The following GALNT13 variants were observed in gnomAD, a reference collection of about 807,000 sequenced individuals.
GALNT13 encodes the protein UDP-GalNAc:polypeptide N-acetylgalactosaminyltransferase 13.
Under a neutral mutation model 64.2 loss-of-function variants are expected in GALNT13, and 28 were observed. The ratio of observed to expected loss-of-function variants is 0.44; its 90% CI spans 0.32 to 0.60. The LOEUF is 0.60. Ranked by LOEUF, GALNT13 falls within the 20% of genes least tolerant of loss-of-function variation. The pLI is 0.05. For synonymous variants in GALNT13, 214 were observed against 224.6 expected, an observed-to-expected ratio of 0.95 and a Z score of 0.42; for missense variants, 577 against 669.8, an observed-to-expected ratio of 0.86 and a Z score of 1.53.
the GALNT13 span, among the ~76,000 whole-genome samples, chr2:153,452,794 C>A: frequency 6.6e-6 from 1 of 151,698 alleles, no homozygotes; most frequent in Middle Eastern, 3.4e-3. Context: ...TATATGAAAC[C>A]AAAAAAGACC....
the GALNT13 span, among the ~76,000 whole-genome samples, chr2:153,505,193 A>G: frequency 2.6e-5 from 4 of 152,038 alleles, no homozygotes; most frequent in Non-Finnish European, 5.9e-5. Context: ...GCCTTGAATA[A>G]TATTTTGTAT....
intron 4 of GALNT13, among the ~76,000 whole-genome samples, chr2:154,154,472 A>T (rs1684280892): frequency 6.6e-6 from 1 of 152,182 alleles, no homozygotes; most frequent in African/African-American, 2.4e-5. Flanking sequence ...GAACAAAAAC[A>T]TGATGTGATG....
chr2:153,677,848 G>A, the GALNT13 span, among the ~76,000 whole-genome samples: 9 of 151,960 alleles, frequency 5.9e-5, no homozygotes, highest in Non-Finnish European at 5.9e-5. Flanking sequence ...ATTGAAACTG[G>A]ACCCGTTCCT....
chr2:153,229,523 A>G, the GALNT13 span, among the ~76,000 whole-genome samples: 20,750 of 152,158 alleles, frequency 0.14, 1,708 homozygotes, highest in Non-Finnish European at 0.18. Flanking sequence ...GAGGAAACCA[A>G]TTGGATTTCT....
intron 3 of GALNT13, among the ~76,000 whole-genome samples, chr2:154,118,977 C>T (rs559311256): frequency 6.6e-6 from 1 of 152,230 alleles, no homozygotes; most frequent in Admixed American, 6.5e-5. Context: ...TTGCATTACA[C>T]ACCTTACACA....
At chr2:153,723,793 G>T in the GALNT13 span, among the ~76,000 whole-genome samples, 2 of 150,682 alleles carry the variant, frequency 1.3e-5, no homozygotes, top group Admixed American at 6.6e-5. Flanking sequence ...CACTGCTCAA[G>T]GAAATAAAAG....
At chr2:153,391,573 G>A in the GALNT13 span, among the ~76,000 whole-genome samples, 1 of 152,010 alleles carries the variant, frequency 6.6e-6, no homozygotes, top group Non-Finnish European at 1.5e-5. Flanking sequence ...TTTTGGATTT[G>A]AAACATGAAA....
At chr2:153,827,475 A>G in the GALNT13 span, among the ~76,000 whole-genome samples, 1 of 152,134 alleles carries the variant, frequency 6.6e-6, no homozygotes, top group Admixed American at 6.5e-5. Context: ...TACAAAAAAA[A>G]TTAGCTGGTC....
intron 3 of GALNT13, among the ~76,000 whole-genome samples, chr2:154,006,672 G>C (rs1196239289): frequency 6.6e-6 from 1 of 152,148 alleles, no homozygotes; most frequent in Non-Finnish European, 1.5e-5. Context: ...GGGAGCACAG[G>C]AGAGGCCCAG....
intron 3 of GALNT13, among the ~76,000 whole-genome samples, chr2:154,098,015 C>G (rs1330956504): frequency 6.6e-6 from 1 of 151,362 alleles, no homozygotes; most frequent in Non-Finnish European, 1.5e-5. Context: ...TGACCAAACT[C>G]TGGAGTCTCC....
intron 11 of GALNT13, among the ~76,000 whole-genome samples, chr2:154,431,231 A>T (rs536211273): frequency 1.3e-5 from 2 of 152,328 alleles, no homozygotes; most frequent in South Asian, 4.1e-4. Context: ...CTTTGCAGAA[A>T]GAGACAAGAT....
At chr2:154,134,376 A>G (rs1383467922) in intron 3 of GALNT13, among the ~76,000 whole-genome samples, 1 of 152,222 alleles carries the variant, frequency 6.6e-6, no homozygotes, top group African/African-American at 2.4e-5. Context: ...AAAGAAATAT[A>G]CAGAAAGTCA....
intron 9 of GALNT13, among the ~76,000 whole-genome samples, chr2:154,389,252 C>T (rs960398798): frequency 1.3e-5 from 2 of 152,120 alleles, no homozygotes; most frequent in African/African-American, 4.8e-5. Flanking sequence ...ACTCCTGCCT[C>T]AGCCTCCCAA....
chr2:153,791,300 G>T, the GALNT13 span, among the ~76,000 whole-genome samples: 1,875 of 152,160 alleles, frequency 0.012, 33 homozygotes, highest in African/African-American at 0.042. Context: ...CATTAGAGAA[G>T]TGCAAATTGA....
intron 3 of GALNT13, among the ~76,000 whole-genome samples, chr2:154,033,697 T>A (rs1055284090): frequency 6.6e-6 from 1 of 152,078 alleles, no homozygotes; most frequent in African/African-American, 2.4e-5. Flanking sequence ...CCCAGCACTT[T>A]GGGATGCTGA....
intron 3 of GALNT13, 105 bp downstream of exon 3, chr2:153,944,744 G>T: frequency 1.0e-6 from 1 of 956,576 alleles, no homozygotes; most frequent in South Asian, 1.8e-5. Flanking sequence ...TAGTGAGTTA[G>T]AAGAGCATTT....
chr2:153,900,508 T>C (rs1278395757), intron 1 of GALNT13, among the ~76,000 whole-genome samples: 2 of 152,194 alleles, frequency 1.3e-5, no homozygotes, highest in African/African-American at 4.8e-5. Flanking sequence ...AATTCTTTTC[T>C]AACTCAGTGA....
At chr2:153,804,503 G>A in the GALNT13 span, among the ~76,000 whole-genome samples, 1 of 152,100 alleles carries the variant, frequency 6.6e-6, no homozygotes, top group African/African-American at 2.4e-5. Context: ...AGGGGAATGA[G>A]TGAAAGGTGA....
At chr2:153,399,414 T>C in the GALNT13 span, among the ~76,000 whole-genome samples, 1 of 152,228 alleles carries the variant, frequency 6.6e-6, no homozygotes, top group Non-Finnish European at 1.5e-5. Context: ...TGGGCTCTTT[T>C]TTAGTTCCAT....
Sources: allele counts gnomAD v4.1 joint callset (sites outside exome capture counted in the v4.1 genomes callset), GRCh38; gene constraint gnomAD v4.1.1; transcripts MANE v1.5; gene names NCBI Gene and HGNC (gene_info 2026-07-23, HGNC 2026-07-21).